The following DUSP9 variants were observed in gnomAD, a reference collection of about 807,000 sequenced individuals.
The protein encoded by DUSP9 is dual specificity protein phosphatase 9.
DUSP9 carries 4 observed loss-of-function variants against 13.2 expected under a neutral mutation model. The ratio of observed to expected loss-of-function variants is 0.30; its 90% CI spans 0.15 to 0.69. The LOEUF is 0.69. Among genes scored for constraint, DUSP9 ranks in the 30% least tolerant of loss-of-function variants. DUSP9 has a pLI of 0.73. For synonymous variants in DUSP9, 166 were observed against 172.3 expected (o/e 0.96, Z 0.29); for missense variants, 263 against 355.0 (o/e 0.74, Z 2.08).
chrX:153,647,885 G>A (rs1282959964), intron 1 of DUSP9, 34 bp from the exon 2 acceptor site: 3 of 962,547 alleles, frequency 3.1e-6, no homozygotes, highest in African/African-American at 2.1e-5. Context: ...TCGGCCCTCC[G>A]GTAGCTCACA....
At chrX:153,644,302 G>A (rs188225138), upstream of DUSP9, among the ~76,000 whole-genome samples, 13,929 of 97,078 alleles carry the variant, frequency 0.14, 923 homozygotes, top group East Asian at 0.29. Context: ...GTGCGGGGGC[G>A]GGGGCGGGGG....
upstream of DUSP9, chrX:153,647,166 C>T (rs1557035629): frequency 1.8e-5 from 2 of 113,074 alleles, no homozygotes; most frequent in African/African-American, 6.4e-5. Flanking sequence ...CCGGCCCGCC[C>T]CTCGGAGTTG....
chrX:153,646,477 G>A (rs993349359), upstream of DUSP9, among the ~76,000 whole-genome samples: 2 of 111,823 alleles, frequency 1.8e-5, no homozygotes, highest in Non-Finnish European at 3.8e-5. Flanking sequence ...AGAGAGGCGT[G>A]GATGTGAGAG....
upstream of DUSP9, among the ~76,000 whole-genome samples, chrX:153,646,828 C>T (rs181617472): frequency 8.0e-5 from 9 of 112,708 alleles, no homozygotes; most frequent in East Asian, 2.2e-3. Flanking sequence ...AGCTCTGAGC[C>T]CATTACAGAG....
At chrX:153,648,375 C>A in intron 2 of DUSP9, 49 bp downstream of exon 2, 1 of 1,052,517 alleles carries the variant, frequency 9.5e-7, no homozygotes, top group South Asian at 2.5e-5. Context: ...TTCATTTGAC[C>A]TTAGGCCAGC....
intron 2 of DUSP9, among the ~76,000 whole-genome samples, chrX:153,648,786 G>C (rs1360371337): frequency 1.8e-5 from 2 of 112,328 alleles, no homozygotes; most frequent in Non-Finnish European, 3.8e-5. Flanking sequence ...TCTGTAAATA[G>C]AGATGCTGGC....
rs372383980 is a variant in DUSP9, at chrX:153,650,705, T to C, written c.*400T>C. 6.7e-4 allele frequency: 68 copies of C among 101,256 alleles called. No individual in the cohort carries two copies. In the East Asian group the frequency reaches 0.011, roughly 16 times the overall value. The allele number at this position is 101,256 out of a possible 1,213,427, so 8.3% of individuals were successfully genotyped here. On this transcript the variant is annotated 3_prime_UTR_variant, in exon 4 of 4. Transcript: ENST00000342782. ...GGGGAGAGGCGTTTGCCATCACTGG[T>C]GTTGTCACCTCCCTGTTTCTCCACC...
At chrX:153,645,557 C>T (rs2091185309), upstream of DUSP9, among the ~76,000 whole-genome samples, 2 of 113,283 alleles carry the variant, frequency 1.8e-5, no homozygotes, top group Admixed American at 9.3e-5. Flanking sequence ...TCTTACCTAA[C>T]CATGACCTGA....
At chrX:153,642,893 C>T (rs1250159462), upstream of DUSP9, among the ~76,000 whole-genome samples, 3 of 109,000 alleles carry the variant, frequency 2.8e-5, no homozygotes, top group Non-Finnish European at 3.8e-5. Flanking sequence ...CACACACTAG[C>T]TGCCCCTGCC....
At chrX:153,644,137 T>TC (rs1418364736), upstream of DUSP9, among the ~76,000 whole-genome samples, 2 of 107,823 alleles carry the variant, frequency 1.9e-5, no homozygotes, top group Non-Finnish European at 3.9e-5. Flanking sequence ...ACGGTGCATC[T>TC]CGTGGGGGAA....
chrX:153,644,050 G>C (rs1317748830), upstream of DUSP9, among the ~76,000 whole-genome samples: 1 of 111,763 alleles, frequency 8.9e-6, no homozygotes, highest in Non-Finnish European at 1.9e-5. Context: ...TGGCAGGCAC[G>C]CTGTCGCCGG....
Position 153,649,672 on chromosome X carries a change from G to T in DUSP9, c.814G>T (p.Ala272Ser). The part of the protein sequence containing the change: ...SQNLSRFFPE[A>S]IEFIDEALSQ... ...GAACCTGTCGCGGTTCTTTCCGGAG[G>T]CCATTGAGTTCATTGGTGAGTCCAC... Residue 272 changes from alanine to serine, a missense_variant, in exon 3 of 4, where the codon GCC becomes TCC. Coordinates refer to ENST00000342782, the MANE Select transcript of DUSP9 (RefSeq NM_001318503.2). 8.3e-7 allele frequency: 1 copy of T among 1,207,529 alleles called. No homozygotes were observed.
Position 153,649,452 on chromosome X carries a change from G to T in DUSP9, c.594G>T (p.Gly198=), listed in dbSNP as rs1557036099. 1.7e-6 allele frequency: 2 copies of T among 1,211,777 alleles called. No individual in the cohort carries two copies. The highest frequency in any genetic ancestry group is 3.5e-5 in the South Asian group (2 of 57,043). ...AGGGTGCCACACCCCCACCAGTGGG[G>T]CTGCGGGCATCCTTCCCTGTCCAGA... ...DSEGATPPPV[G]LRASFPVQIL... is the part of the protein sequence containing the mutation. The change falls in exon 3 of 4, where the codon GGG becomes GGT. Residue 198 remains glycine, a synonymous_variant. Transcript: ENST00000342782.
intron 1 of DUSP9, 45 bp from the exon 2 acceptor site, chrX:153,647,874 C>G: frequency 1.1e-6 from 1 of 943,532 alleles, no homozygotes; most frequent in Non-Finnish European, 1.3e-6. Flanking sequence ...TCTGAGCCCC[C>G]TCGGCCCTCC....
rs782419708 is a variant in DUSP9 at position 153,648,584 on chromosome X, G to A, written c.373+258G>A. On this transcript the variant is annotated intron_variant, in intron 2 of 3. Coordinates refer to ENST00000342782, the MANE Select transcript of DUSP9 (RefSeq NM_001318503.2). ...GATGCTCAAGAACGAATTACAAAGT[G>A]CGGGCTCCCCAGGGTCTCGGCAAGG... Among the ~76,000 whole-genome samples, 3 of 111,175 alleles carry A rather than the reference G, an allele frequency of 2.7e-5. No individual in the cohort carries two copies. The East Asian group carries it at 8.6e-4, about 32-fold the overall frequency.
At position 153,648,004 on chromosome X, in the gene DUSP9, CCCGCGGCCGCGGCTCCTGCTCCTGGACTG is replaced by C; in HGVS notation, c.56_84del (p.Arg19GlnfsTer111). 1 of 1,102,470 alleles carries C rather than the reference CCCGCGGCCGCGGCTCCTGCTCCTGGACTG, an allele frequency of 9.1e-7. No homozygotes were observed. The highest frequency in any genetic ancestry group is 3.2e-5 in the Admixed American group (1 of 31,088). 90.9% of individuals were successfully genotyped at this position (1,102,470 alleles called of 1,213,427 possible). ...TGTGGCTGCGTCGGGAGCTGTCGCC[CCCGCGGCCGCGGCTCCTGCTCCTGGACTG>C]CCGCAGCCGCGAGCTGTACGAGTCG... On this transcript the variant is annotated frameshift_variant, in exon 2 of 4. Transcript: ENST00000342782. LOFTEE classifies it high-confidence loss of function.
Position 153,650,436 on chromosome X carries a change from T to C in DUSP9, c.*131T>C. 1 of 488,423 alleles carries C rather than the reference T, an allele frequency of 2.0e-6. No homozygotes were observed. Among genetic ancestry groups the C allele is most frequent in the South Asian group, 3.3e-5 (1 of 30,550 alleles). 40.3% of individuals were successfully genotyped at this position (488,423 alleles called of 1,213,427 possible). The stretch of plus-strand genomic sequence containing the variant: ...GGTGCTGGGGGGAGAGCGCAATACC[T>C]CACGCGGGCTGCCGTCCTAATCAAC... On this transcript the variant is annotated 3_prime_UTR_variant, in exon 4 of 4. Coordinates refer to ENST00000342782, the MANE Select transcript of DUSP9 (RefSeq NM_001318503.2).
At chrX:153,643,973 G>A (rs1434611840), upstream of DUSP9, among the ~76,000 whole-genome samples, 1 of 112,466 alleles carries the variant, frequency 8.9e-6, no homozygotes. Context: ...CCCGCGAGGA[G>A]ACCGACCAGG....
chrX:153,649,966 C>T lies in DUSP9; in HGVS notation c.830-14C>T, dbSNP rs368056352. ...GCCCTCCGGGTCTCCCGGGCCCTTT[C>T]CTGCCCCATCTAGATGAGGCCTTGT... On this transcript the variant is annotated splice_polypyrimidine_tract_variant and intron_variant, in intron 3 of 3. Coordinates refer to ENST00000342782, the MANE Select transcript of DUSP9 (RefSeq NM_001318503.2). 86 of 1,200,926 alleles carry T rather than the reference C, an allele frequency of 7.2e-5. No homozygotes were observed. Among genetic ancestry groups the T allele is most frequent in the Non-Finnish European group, 9.7e-5 (86 of 890,887 alleles).
Sources: allele counts gnomAD v4.1 joint callset (sites outside exome capture counted in the v4.1 genomes callset), GRCh38; gene constraint gnomAD v4.1.1; transcripts MANE v1.5; gene names NCBI Gene and HGNC (gene_info 2026-07-23, HGNC 2026-07-21).